The following CSNK1G1 variants were observed in gnomAD, a reference collection of about 807,000 sequenced individuals.
CSNK1G1 encodes casein kinase 1 gamma 1.
A neutral mutation model predicts 59.6 loss-of-function variants in CSNK1G1; 22 were observed. The ratio of observed to expected loss-of-function variants is 0.37; its 90% CI spans 0.26 to 0.53. CSNK1G1 has a LOEUF of 0.53. Ranked by LOEUF, CSNK1G1 falls within the 20% of genes least tolerant of loss-of-function variation. The pLI, the probability that CSNK1G1 is intolerant of heterozygous loss-of-function variation, is 0.89. For synonymous variants in CSNK1G1, 179 were observed against 177.1 expected, an observed-to-expected ratio of 1.01 and a Z score of -0.08; for missense variants, 384 against 519.5, an observed-to-expected ratio of 0.74 and a Z score of 2.54.
At chr15:64,192,216 G>T (rs942661246) in intron 10 of CSNK1G1, among the ~76,000 whole-genome samples, 1 of 152,214 alleles carries the variant, frequency 6.6e-6, no homozygotes, top group African/African-American at 2.4e-5. Context: ...AGAGGTGCAT[G>T]AGTAGAAAAG....
At chr15:64,308,081 CTTATTT>C (rs1784026701) in intron 1 of CSNK1G1, among the ~76,000 whole-genome samples, 2 of 152,082 alleles carry the variant, frequency 1.3e-5, no homozygotes. Flanking sequence ...ATCTATAATA[CTTATTT>C]TTATCTTATT....
intron 2 of CSNK1G1, among the ~76,000 whole-genome samples, chr15:64,269,490 C>T (rs898277466): frequency 1.5e-4 from 21 of 141,266 alleles, no homozygotes; most frequent in Non-Finnish European, 2.9e-4. Context: ...TTTCTGATGG[C>T]TATTTTTTTT....
intron 2 of CSNK1G1, among the ~76,000 whole-genome samples, chr15:64,262,955 T>C (rs1892774268): frequency 6.6e-6 from 1 of 151,462 alleles, no homozygotes; most frequent in African/African-American, 2.4e-5. Context: ...GGTGCATGCC[T>C]GTAATCTCAC....
intron 1 of CSNK1G1, among the ~76,000 whole-genome samples, chr15:64,301,394 T>C (rs114656738): frequency 0.012 from 1,861 of 150,846 alleles, 29 homozygotes; most frequent in African/African-American, 0.044. Context: ...ATCTTAAGCG[T>C]AACATTCATC....
intron 11 of CSNK1G1, among the ~76,000 whole-genome samples, chr15:64,172,669 C>G (rs970781854): frequency 1.3e-5 from 2 of 152,154 alleles, no homozygotes; most frequent in African/African-American, 4.8e-5. Context: ...TCAGGATGCT[C>G]TCACTCCCCA....
At chr15:64,336,124 G>A (rs1897376084) in intron 1 of CSNK1G1, among the ~76,000 whole-genome samples, 1 of 152,154 alleles carries the variant, frequency 6.6e-6, no homozygotes, top group African/African-American at 2.4e-5. Context: ...ACTAGGGACT[G>A]CTCTCTGACT....
Position 64,176,434 on chromosome 15 carries a change from G to C in CSNK1G1, c.1214+3914C>G, listed in dbSNP as rs2081742432. The stretch of plus-strand genomic sequence containing the variant: ...TTTAGTTTCTTCTTCTGTCAAGGTA[G>C]GCTGAGTAGGCCCAGGCCACTTGGT... On this transcript the variant is annotated intron_variant, in intron 11 of 11. Transcript: ENST00000303052. This position sits in a 1 kb window ranked among gnomAD's most constrained non-coding sequence, Gnocchi z 5.2. 2.5e-6 allele frequency: 1 copy of C among 396,134 alleles called. No homozygotes were observed. Among genetic ancestry groups the C allele is most frequent in the East Asian group, 3.6e-5 (1 of 27,994 alleles). 24.5% of individuals were successfully genotyped at this position (396,134 alleles called of 1,614,324 possible). A position where few individuals can be genotyped will look rare whatever the true frequency, so the allele number is the denominator to read the frequency against.
intron 1 of CSNK1G1, among the ~76,000 whole-genome samples, chr15:64,336,623 T>G (rs1030383634): frequency 6.6e-6 from 1 of 152,060 alleles, no homozygotes. Flanking sequence ...AATTAATTTT[T>G]GATCTGAAAA....
intron 1 of CSNK1G1, among the ~76,000 whole-genome samples, chr15:64,349,319 G>A (rs536791577): frequency 3.9e-5 from 6 of 152,030 alleles, no homozygotes; most frequent in East Asian, 3.9e-4. Context: ...CATCAAACTC[G>A]GCACCCAGGC....
chr15:64,180,740 G>GT (rs765483728), intron 10 of CSNK1G1, among the ~76,000 whole-genome samples: 3 of 152,142 alleles, frequency 2.0e-5, no homozygotes, highest in Non-Finnish European at 2.9e-5. Context: ...TATGAAATAG[G>GT]TTTTTTTACA....
chr15:64,201,892 T>C (rs1596085136), intron 10 of CSNK1G1, among the ~76,000 whole-genome samples: 1 of 152,330 alleles, frequency 6.6e-6, no homozygotes, highest in African/African-American at 2.4e-5. Context: ...TGATAATTAT[T>C]TTAAAAATAT....
rs1321480739 is a variant in CSNK1G1 at position 64,168,712 on chromosome 15, C to G, written c.*3219G>C. 1 of 152,172 alleles carries G rather than the reference C, an allele frequency of 6.6e-6. No homozygotes were observed. The highest frequency in any genetic ancestry group is 2.4e-5 in the African/African-American group (1 of 41,428). The allele number at this position is 152,172 out of a possible 1,614,324, so 9.4% of individuals were successfully genotyped here. A position where few individuals can be genotyped will look rare whatever the true frequency, so the allele number is the denominator to read the frequency against. On this transcript the variant is annotated 3_prime_UTR_variant, in exon 12 of 12. Transcript: ENST00000303052. ...CAGTCAGCGAGTGCATGCCCTAACC[C>G]CAAGGATCTGGCTGAGGCATACAGC... is the stretch of plus-strand genomic sequence containing the variant.
intron 11 of CSNK1G1, 80 bp from the exon 12 acceptor site, chr15:64,172,065 A>AG: frequency 7.3e-7 from 1 of 1,365,838 alleles, no homozygotes; most frequent in Non-Finnish European, 1.0e-6. Context: ...TGCTTACTGC[A>AG]GGGGTGGAAT....
intron 1 of CSNK1G1, among the ~76,000 whole-genome samples, chr15:64,326,218 G>A (rs1411541319): frequency 6.6e-6 from 1 of 152,128 alleles, no homozygotes; most frequent in Non-Finnish European, 1.5e-5. Flanking sequence ...TAGAGACAGG[G>A]TTTTGCCATG....
At position 64,172,002 on chromosome 15, in the gene CSNK1G1, A is replaced by G; in HGVS notation, c.1215-17T>C. 1 of 1,612,902 alleles carries G rather than the reference A, an allele frequency of 6.2e-7. No homozygotes were observed. The highest frequency in any genetic ancestry group is 2.2e-5 in the East Asian group (1 of 44,876). On this transcript the variant is annotated splice_polypyrimidine_tract_variant and intron_variant, in intron 11 of 11. Coordinates refer to ENST00000303052, the MANE Select transcript of CSNK1G1 (RefSeq NM_022048.5). ...CAGCAGCACCTGGAGCACAAGGAACATTGCAAGTCAGTGCGGGAGGCCTGC... is the reference window on the plus strand; with the variant it reads ...CAGCAGCACCTGGAGCACAAGGAACGTTGCAAGTCAGTGCGGGAGGCCTGC...
At chr15:64,266,005 G>C (rs1224165908) in intron 2 of CSNK1G1, 1 of 314,276 alleles carries the variant, frequency 3.2e-6, no homozygotes, top group African/African-American at 2.2e-5. Flanking sequence ...GAATGTTTGA[G>C]TCTAGGATCT....
chr15:64,189,385 CT>C, intron 10 of CSNK1G1: 1 of 1,269,574 alleles, frequency 7.9e-7, no homozygotes, highest in Non-Finnish European at 1.0e-6. Flanking sequence ...TCATATGTGA[CT>C]TTTGTCCAGA....
intron 4 of CSNK1G1, among the ~76,000 whole-genome samples, chr15:64,243,265 G>C (rs957114307): frequency 3.3e-5 from 5 of 151,978 alleles, no homozygotes; most frequent in Non-Finnish European, 5.9e-5. Flanking sequence ...GAACCAGGGA[G>C]GCAGAGGTTG....
At chr15:64,204,234 A>T (rs1596088736) in intron 9 of CSNK1G1, among the ~76,000 whole-genome samples, 1 of 151,956 alleles carries the variant, frequency 6.6e-6, no homozygotes, top group Non-Finnish European at 1.5e-5. Context: ...TTCCTATATT[A>T]CTAGGAAAAA....
Sources: gnomAD v4.1 joint callset for allele counts (sites outside exome capture counted in the v4.1 genomes callset) on GRCh38, gnomAD v4.1.1 for gene constraint, Gnocchi (gnomAD v3.1) non-coding constraint, MANE v1.5 for transcripts, NCBI Gene and HGNC (gene_info 2026-07-23, HGNC 2026-07-21) for gene names.